Variants in WLS observed in about 807,000 individuals in gnomAD.
The protein encoded by WLS is protein wntless homolog.
In WLS, 23 loss-of-function variants were observed where a neutral mutation model predicts 62.8. The ratio of observed to expected loss-of-function variants is 0.37; its 90% CI spans 0.26 to 0.52. The LOEUF (loss-of-function observed/expected upper bound fraction) is 0.52. Among genes scored for constraint, WLS ranks in the 20% least tolerant of loss-of-function variants. The pLI is 0.92. For missense variants in WLS, 615 were observed against 697.3 expected (o/e 0.88, Z 1.33); for synonymous variants, 246 against 244.1 (o/e 1.01, Z -0.07).
intron 2 of WLS, 64 bp from the exon 3 acceptor site, chr1:68,159,311 A>C: frequency 6.3e-7 from 1 of 1,575,578 alleles, no homozygotes; most frequent in Admixed American, 1.9e-5. Flanking sequence ...AAACAGCTCA[A>C]AAAATTCTTA....
intron 11 of WLS, 94 bp from the exon 12 acceptor site, chr1:68,126,429 CTT>C: frequency 2.7e-6 from 4 of 1,506,192 alleles, no homozygotes; most frequent in Non-Finnish European, 3.6e-6. Context: ...TGCTAGCCCT[CTT>C]TGACATTCTG....
intron 1 of WLS, among the ~76,000 whole-genome samples, chr1:68,201,655 C>T (rs1348289044): frequency 2.0e-5 from 3 of 152,214 alleles, no homozygotes; most frequent in African/African-American, 7.2e-5. Context: ...TTCATTCTTG[C>T]CAGCCACTTT....
chr1:68,148,604 G>T lies in WLS; in HGVS notation c.1029C>A (p.Ala343=). The T allele has an allele frequency of 6.2e-7, 1 of 1,614,068 alleles. No homozygotes were observed. Among genetic ancestry groups the T allele is most frequent in the Non-Finnish European group, 8.5e-7 (1 of 1,179,996 alleles). ...ATATGAAGAGGCAGAAGGAGCCAAC[G>T]GCAATGGGTCCGACTTGCTTCCAAT... The part of the protein sequence containing the change: ...AGYWKQVGPI[A]VGSFCLFIFD... Residue 343 remains alanine, a synonymous_variant, in exon 7 of 12, where the codon GCC becomes GCA. Transcript: ENST00000262348.
intron 11 of WLS, among the ~76,000 whole-genome samples, chr1:68,107,963 A>G (rs1377129926): frequency 1.3e-5 from 2 of 152,172 alleles, no homozygotes; most frequent in African/African-American, 4.8e-5. Context: ...GCTCCCCGGG[A>G]GATGAATCAC....
chr1:68,186,656 GA>G (rs1389760438), intron 2 of WLS: 15 of 456,200 alleles, frequency 3.3e-5, no homozygotes, highest in African/African-American at 2.2e-4. Context: ...ATTGCTGTCA[GA>G]AAGGAATCCA....
chr1:68,148,073 T>C, intron 8 of WLS, 63 bp downstream of exon 8: 1 of 1,567,860 alleles, frequency 6.4e-7, no homozygotes, highest in Non-Finnish European at 8.8e-7. Context: ...CCTTAGAAAA[T>C]GATCTTGGGG....
intron 1 of WLS, among the ~76,000 whole-genome samples, chr1:68,219,134 A>AAT (rs1230541177): frequency 3.3e-5 from 5 of 152,228 alleles, no homozygotes; most frequent in Admixed American, 3.3e-4. Context: ...AAAATTTGGA[A>AAT]ATATATATAC....
intron 2 of WLS, among the ~76,000 whole-genome samples, chr1:68,190,952 G>A (rs1648261792): frequency 6.6e-6 from 1 of 152,018 alleles, no homozygotes; most frequent in Non-Finnish European, 1.5e-5. Context: ...CAGCTACTCG[G>A]GAGGCTGAGG....
At chr1:68,206,206 C>T (rs1015815068) in intron 1 of WLS, among the ~76,000 whole-genome samples, 5 of 152,056 alleles carry the variant, frequency 3.3e-5, no homozygotes, top group African/African-American at 9.7e-5. Context: ...TCATATCACA[C>T]GTAGAATTTG....
chr1:68,207,063 A>G (rs1282804689), intron 1 of WLS, among the ~76,000 whole-genome samples: 3 of 152,158 alleles, frequency 2.0e-5, no homozygotes, highest in African/African-American at 7.2e-5. Flanking sequence ...ACAGCTGGAG[A>G]GATCAAAGAA....
chr1:68,230,321 G>A (rs1650347825), intron 1 of WLS, among the ~76,000 whole-genome samples: 1 of 152,176 alleles, frequency 6.6e-6, no homozygotes, highest in East Asian at 1.9e-4. Flanking sequence ...AATTCTGAAA[G>A]CACAAGGTGC....
At chr1:68,098,570 C>T in exon 12 of WLS, 24 of 1,598,122 alleles carry the variant, frequency 1.5e-5, no homozygotes, top group Non-Finnish European at 2.1e-5. Flanking sequence ...TATACAAGTA[C>T]AATCAATGTG....
intron 11 of WLS, among the ~76,000 whole-genome samples, chr1:68,102,270 A>G (rs1049914692): frequency 6.6e-6 from 1 of 152,162 alleles, no homozygotes; most frequent in Non-Finnish European, 1.5e-5. Flanking sequence ...CTTCTTCCCA[A>G]GGGAAAGAAT....
At chr1:68,123,289 C>T (rs1192107727), downstream of WLS, among the ~76,000 whole-genome samples, 2 of 152,208 alleles carry the variant, frequency 1.3e-5, no homozygotes, top group Non-Finnish European at 2.9e-5. Flanking sequence ...GCTGCTGAAC[C>T]TCTGAGGACA....
At chr1:68,117,124 AATC>A (rs1356551409) in intron 11 of WLS, among the ~76,000 whole-genome samples, 2 of 151,910 alleles carry the variant, frequency 1.3e-5, no homozygotes, top group African/African-American at 4.8e-5. Flanking sequence ...CGTTTTCTCT[AATC>A]ATATTTCCCC....
At chr1:68,150,597 T>C (rs2100467379) in intron 5 of WLS, among the ~76,000 whole-genome samples, 2 of 152,324 alleles carry the variant, frequency 1.3e-5, no homozygotes, top group Middle Eastern at 6.8e-3. Flanking sequence ...CCTCACACTT[T>C]ACTTTGGTAC....
chr1:68,153,286 T>A lies in WLS; in HGVS notation c.803+231A>T, dbSNP rs193059207. Among the ~76,000 whole-genome samples the A allele has an allele frequency of 3.5e-4, 53 of 151,876 alleles. 1 individual carries two copies. Among genetic ancestry groups the A allele is most frequent in the East Asian group, 9.7e-4 (5 of 5,156 alleles). Reference sequence around the variant, plus strand: ...GAGACCTTGTCTCCAAAAAATAAATTAATTAATTAAAAAGAGCCAGAAAGG... The same window carrying A: ...GAGACCTTGTCTCCAAAAAATAAATAAATTAATTAAAAAGAGCCAGAAAGG... On this transcript the variant is annotated intron_variant, in intron 5 of 11. Transcript: ENST00000262348.
chr1:68,155,228 A>G lies in WLS; in HGVS notation c.537T>C (p.Cys179=), dbSNP rs757995731. The change falls in exon 4 of 12, where the codon TGT becomes TGC. Residue 179 remains cysteine (C), a synonymous_variant. Transcript: ENST00000262348. ...TPEHEGRYYE[C]DVLPFMEIGS... is the part of the protein sequence containing the mutation. Reference sequence around the variant, plus strand: ...CAATTTCCATGAAAGGAAGGACATCACATTCATAGTAACGGCCCTCATGCT... The same window carrying G: ...CAATTTCCATGAAAGGAAGGACATCGCATTCATAGTAACGGCCCTCATGCT... 9.3e-6 allele frequency: 15 copies of G among 1,613,646 alleles called. No individual in the cohort carries two copies. Among genetic ancestry groups the G allele is most frequent in the Admixed American group, 3.3e-5 (2 of 59,934 alleles).
chr1:68,162,117 G>A (rs967623059), intron 2 of WLS: 8 of 1,541,208 alleles, frequency 5.2e-6, no homozygotes, highest in East Asian at 2.3e-5. Context: ...CCTGCTTGCT[G>A]TACCAGGCAG....
Sources: gnomAD v4.1 joint callset for allele counts (sites outside exome capture counted in the v4.1 genomes callset) on GRCh38, gnomAD v4.1.1 for gene constraint, MANE v1.5 for transcripts, NCBI Gene and HGNC (gene_info 2026-07-23, HGNC 2026-07-21) for gene names.